DNAH7: variants seen among roughly 807,000 people sequenced by gnomAD.
DNAH7 encodes dynein axonemal heavy chain 7.
DNAH7 carries 397 observed loss-of-function variants against 444.6 expected under a neutral mutation model. That is an observed-to-expected ratio of 0.89 (90% CI 0.82 to 0.97). The LOEUF (loss-of-function observed/expected upper bound fraction) is 0.97, where lower values mean the gene tolerates loss of function less well. Among genes scored for constraint, DNAH7 ranks in the 50% least tolerant of loss-of-function variants. The pLI, the probability that DNAH7 is intolerant of heterozygous loss-of-function variation, is 0.00. For synonymous variants in DNAH7, 1,636 were observed against 1,624.4 expected, an observed-to-expected ratio of 1.01 and a Z score of -0.17; for missense variants, 4,902 against 4,800.8, an observed-to-expected ratio of 1.02 and a Z score of -0.62.
chr2:195,785,319 C>A (rs1041097131), intron 58 of DNAH7, among the ~76,000 whole-genome samples: 1 of 152,076 alleles, frequency 6.6e-6, no homozygotes, highest in South Asian at 2.1e-4. Flanking sequence ...CAAACATTTT[C>A]TCTCAGTCTG....
chr2:196,009,542 A>G (rs1301245771), intron 10 of DNAH7, among the ~76,000 whole-genome samples: 5 of 152,194 alleles, frequency 3.3e-5, no homozygotes, highest in Non-Finnish European at 5.9e-5. Flanking sequence ...TGCTAGAAAC[A>G]TGCTGAGATT....
intron 49 of DNAH7, among the ~76,000 whole-genome samples, chr2:195,818,049 A>G (rs1027569170): frequency 1.3e-5 from 2 of 152,194 alleles, no homozygotes; most frequent in African/African-American, 4.8e-5. Flanking sequence ...CTAATACCTC[A>G]AAGGGTTTGT....
chr2:196,051,761 T>C (rs1019392843), intron 2 of DNAH7, among the ~76,000 whole-genome samples: 1 of 152,002 alleles, frequency 6.6e-6, no homozygotes, highest in Non-Finnish European at 1.5e-5. Context: ...AGCAACACTC[T>C]GTCTCAAGAA....
At chr2:195,918,274 C>A (rs1687808369) in intron 24 of DNAH7, among the ~76,000 whole-genome samples, 1 of 152,206 alleles carries the variant, frequency 6.6e-6, no homozygotes, top group African/African-American at 2.4e-5. Context: ...AAATCAAAAG[C>A]ATTGACAACA....
At position 195,995,508 on chromosome 2, in the gene DNAH7, C is replaced by T. The variant is rs143077239; in HGVS notation, c.1353+5196G>A. ...GAAACCATCTGAGAGGTACTGTGAGCGCCTTTCCTAGCTCTAGGCTTCACT... is the reference window on the plus strand; with the variant it reads ...GAAACCATCTGAGAGGTACTGTGAGTGCCTTTCCTAGCTCTAGGCTTCACT... On this transcript the variant is annotated intron_variant, in intron 12 of 64. Transcript: ENST00000312428. 267 of 311,734 alleles carry T rather than the reference C, an allele frequency of 8.6e-4. 1 individual carries two copies. Among genetic ancestry groups the T allele is most frequent in the African/African-American group, 4.8e-3 (219 of 45,242 alleles). 19.3% of individuals were successfully genotyped at this position (311,734 alleles called of 1,614,324 possible). A position where few individuals can be genotyped will look rare whatever the true frequency, so the allele number is the denominator to read the frequency against.
chr2:196,003,400 A>T (rs535594673), intron 10 of DNAH7, among the ~76,000 whole-genome samples: 18 of 152,302 alleles, frequency 1.2e-4, no homozygotes, highest in Middle Eastern at 3.4e-3. Context: ...GATGTATTTT[A>T]AAAAGTATTC....
chr2:195,793,124 T>C (rs554262583), intron 57 of DNAH7, among the ~76,000 whole-genome samples: 67 of 151,994 alleles, frequency 4.4e-4, no homozygotes, highest in African/African-American at 1.5e-3. Flanking sequence ...TTTATAGAGG[T>C]AGGGGTCTCA....
chr2:195,760,562 G>A (rs925386506), intron 61 of DNAH7, among the ~76,000 whole-genome samples: 2 of 152,068 alleles, frequency 1.3e-5, no homozygotes, highest in East Asian at 3.9e-4. Flanking sequence ...CCAGCTTCAA[G>A]CAGCTCAGCA....
Position 195,855,989 on chromosome 2 carries a change from ACT to A in DNAH7, c.8415_8416del (p.Lys2805AsnfsTer16), listed in dbSNP as rs754777571. On this transcript the variant is annotated frameshift_variant and splice_region_variant, in exon 45 of 65. Coordinates refer to ENST00000312428, the MANE Select transcript of DNAH7 (RefSeq NM_018897.3). LOFTEE classifies it high-confidence loss of function. The stretch of plus-strand genomic sequence containing the variant: ...CTTTTTGGGAGCTACTATTTTTGCC[ACT>A]CTGCAAAAAGTAAAATTGAAAAATT... The A allele has an allele frequency of 6.2e-6, 10 of 1,604,890 alleles. No homozygotes were observed. In the African/African-American group the frequency reaches 1.3e-4, roughly 22 times the overall value.
intron 23 of DNAH7, among the ~76,000 whole-genome samples, chr2:195,922,687 G>A (rs771740962): frequency 1.3e-5 from 2 of 151,960 alleles, no homozygotes; most frequent in Non-Finnish European, 2.9e-5. Context: ...TTCCACAAAA[G>A]CCTATATGAT....
intron 8 of DNAH7, among the ~76,000 whole-genome samples, chr2:196,022,227 G>A (rs1021307682): frequency 1.5e-4 from 23 of 152,158 alleles, no homozygotes; most frequent in Non-Finnish European, 8.8e-5. Context: ...TTTTGCTGGT[G>A]GAAGGTCTTA....
chr2:196,033,104 G>T (rs1696162266), intron 5 of DNAH7, among the ~76,000 whole-genome samples: 2 of 151,918 alleles, frequency 1.3e-5, no homozygotes, highest in Admixed American at 6.6e-5. Context: ...AATGATAAAA[G>T]ATATCTATTT....
intron 17 of DNAH7, among the ~76,000 whole-genome samples, chr2:195,966,190 CTTAA>C (rs1559283010): frequency 6.6e-6 from 1 of 151,994 alleles, no homozygotes; most frequent in Non-Finnish European, 1.5e-5. Context: ...TCCATTTCCT[CTTAA>C]TTTTTTCATT....
intron 3 of DNAH7, 66 bp from the exon 4 acceptor site, chr2:196,048,470 C>A: frequency 2.3e-6 from 3 of 1,327,916 alleles, no homozygotes; most frequent in South Asian, 2.4e-5. Context: ...CCATGAAATG[C>A]ACGAGTGTTT....
At chr2:195,971,444 C>A (rs1288466782) in intron 16 of DNAH7, among the ~76,000 whole-genome samples, 1 of 152,154 alleles carries the variant, frequency 6.6e-6, no homozygotes, top group Non-Finnish European at 1.5e-5. Context: ...GGCAGACTTA[C>A]AAACACTAAC....
chr2:195,772,459 G>A (rs16839852), intron 60 of DNAH7, among the ~76,000 whole-genome samples: 14,118 of 152,216 alleles, frequency 0.093, 728 homozygotes, highest in African/African-American at 0.13. Flanking sequence ...TTGGAAGCAA[G>A]GAAGGAGAAT....
At chr2:196,009,451 A>G (rs1353316687) in intron 10 of DNAH7, among the ~76,000 whole-genome samples, 1 of 152,220 alleles carries the variant, frequency 6.6e-6, no homozygotes, top group Non-Finnish European at 1.5e-5. Flanking sequence ...GAGAACAAAA[A>G]AAGTCCCAAG....
At chr2:195,990,929 A>C (rs1281874669) in intron 12 of DNAH7, among the ~76,000 whole-genome samples, 1 of 146,054 alleles carries the variant, frequency 6.8e-6, no homozygotes, top group East Asian at 1.9e-4. Flanking sequence ...ATACATATAT[A>C]TACTTAAATA....
At chr2:195,910,260 G>T in intron 24 of DNAH7, 65 bp from the exon 25 acceptor site, 1 of 1,371,058 alleles carries the variant, frequency 7.3e-7, no homozygotes, top group Non-Finnish European at 9.8e-7. Flanking sequence ...CACATGCCAA[G>T]AAGAGAAAAA....
Sources: allele counts gnomAD v4.1 joint callset (sites outside exome capture counted in the v4.1 genomes callset), GRCh38; gene constraint gnomAD v4.1.1; transcripts MANE v1.5; gene names NCBI Gene and HGNC (gene_info 2026-07-23, HGNC 2026-07-21).